WWP1: variants seen among roughly 807,000 people sequenced by gnomAD.
The protein encoded by WWP1 is WW domain containing E3 ubiquitin protein ligase 1, also known as NEDD4-like E3 ubiquitin-protein ligase WWP1.
WWP1 carries 49 observed loss-of-function variants against 130.6 expected under a neutral mutation model. The observed-to-expected ratio is 0.38, with a 90% CI of 0.30 to 0.48. The LOEUF is 0.48. WWP1 is among the 20% of genes least tolerant of loss of function. WWP1 has a pLI of 0.99. For missense variants in WWP1, 809 were observed against 1,100.6 expected, an observed-to-expected ratio of 0.74 and a Z score of 3.75; for synonymous variants, 332 against 367.8, an observed-to-expected ratio of 0.90 and a Z score of 1.11.
At chr8:86,361,960 C>T (rs2130202191) in intron 1 of WWP1, among the ~76,000 whole-genome samples, 1 of 129,838 alleles carries the variant, frequency 7.7e-6, no homozygotes, top group Middle Eastern at 4.6e-3. Flanking sequence ...TGAAAATATG[C>T]CTAGTGTGTG....
intron 9 of WWP1, among the ~76,000 whole-genome samples, chr8:86,416,972 A>G (rs1284570655): frequency 6.6e-6 from 1 of 152,042 alleles, no homozygotes; most frequent in African/African-American, 2.4e-5. Flanking sequence ...TCTGGTCACC[A>G]CCACATTCTG....
chr8:86,347,844 T>C (rs906087230), intron 1 of WWP1, among the ~76,000 whole-genome samples: 5 of 152,232 alleles, frequency 3.3e-5, no homozygotes, highest in Non-Finnish European at 7.3e-5. Flanking sequence ...ATTTCCAAAA[T>C]ATATATAGAT....
At position 86,427,762 on chromosome 8, in the gene WWP1, A is replaced by G; in HGVS notation, c.1277A>G (p.Gln426Arg). The G allele has an allele frequency of 6.2e-7, 1 of 1,613,794 alleles. No homozygotes were observed. The highest frequency in any genetic ancestry group is 1.1e-5 in the South Asian group (1 of 91,030). ...SVRNFEQWQSQRNQLQGAMQQ... is the reference protein window; with the variant it reads ...SVRNFEQWQSRRNQLQGAMQQ... ...CGAAATTTTGAACAGTGGCAATCTC[A>G]GCGGAACCAATTGCAGGGAGCTATG... Residue 426 changes from glutamine to arginine, a missense_variant, in exon 11 of 25, where the codon CAG (glutamine) becomes CGG (arginine). Around this residue, in one of 3 missense-constraint regions of WWP1, gnomAD observed 450 missense variants for 674.2 expected, o/e 0.67. Transcript: ENST00000517970.
At chr8:86,448,609 G>A (rs1159372700) in intron 20 of WWP1, 96 bp downstream of exon 20, 1 of 1,244,698 alleles carries the variant, frequency 8.0e-7, no homozygotes, top group Non-Finnish European at 1.1e-6. Context: ...TCATGCCTTT[G>A]GGAAGTTCTT....
intron 1 of WWP1, among the ~76,000 whole-genome samples, chr8:86,355,413 A>G (rs900444341): frequency 2.6e-5 from 4 of 152,240 alleles, no homozygotes; most frequent in African/African-American, 9.6e-5. Context: ...TAAATGCAGC[A>G]AGTATGTGTA....
At chr8:86,359,954 C>T (rs1823481558) in intron 1 of WWP1, among the ~76,000 whole-genome samples, 1 of 151,826 alleles carries the variant, frequency 6.6e-6, no homozygotes, top group South Asian at 2.1e-4. Context: ...GAGGCTGAGG[C>T]AGGAGAATGG....
chr8:86,431,844 G>T, intron 14 of WWP1, 101 bp downstream of exon 14: 1 of 1,513,730 alleles, frequency 6.6e-7, no homozygotes, highest in South Asian at 1.3e-5. Context: ...TTTACTTTTT[G>T]GTTCAAGAAA....
At chr8:86,431,845 G>C (rs1291180764) in intron 14 of WWP1, 102 bp downstream of exon 14, 5 of 1,508,066 alleles carry the variant, frequency 3.3e-6, no homozygotes. Flanking sequence ...TTACTTTTTG[G>C]TTCAAGAAAA....
At chr8:86,436,572 G>A (rs1179074153) in intron 16 of WWP1, among the ~76,000 whole-genome samples, 1 of 152,120 alleles carries the variant, frequency 6.6e-6, no homozygotes, top group Non-Finnish European at 1.5e-5. Context: ...GTTTACTGCT[G>A]TTCTGCCTAG....
At chr8:86,372,648 T>A (rs897845745) in intron 2 of WWP1, among the ~76,000 whole-genome samples, 1 of 152,218 alleles carries the variant, frequency 6.6e-6, no homozygotes, top group Non-Finnish European at 1.5e-5. Flanking sequence ...TTTTTCCATA[T>A]GGATAATTCC....
At chr8:86,384,612 T>C (rs1825175818) in intron 5 of WWP1, among the ~76,000 whole-genome samples, 1 of 152,176 alleles carries the variant, frequency 6.6e-6, no homozygotes, top group Admixed American at 6.5e-5. Context: ...TTTGATTCAG[T>C]CTCTTGGTTT....
At chr8:86,433,219 TC>T (rs1347438891) in intron 14 of WWP1, among the ~76,000 whole-genome samples, 2 of 148,034 alleles carry the variant, frequency 1.4e-5, no homozygotes, top group Non-Finnish European at 3.0e-5. Flanking sequence ...CTCCTTTTTT[TC>T]CTAAGCCTCT....
At chr8:86,448,335 A>T (rs761364401) in intron 19 of WWP1, 38 bp from the exon 20 acceptor site, 2 of 1,586,626 alleles carry the variant, frequency 1.3e-6, no homozygotes, top group East Asian at 4.5e-5. Flanking sequence ...ATTTTGTTTC[A>T]TTTTGTTAAT....
chr8:86,363,826 G>A (rs548115010), intron 1 of WWP1, among the ~76,000 whole-genome samples: 1 of 150,908 alleles, frequency 6.6e-6, no homozygotes, highest in Non-Finnish European at 1.5e-5. Flanking sequence ...AAATTTGTCT[G>A]TGGTCTTGCT....
chr8:86,405,034 G>A (rs1808197854), intron 8 of WWP1: 2 of 152,180 alleles, frequency 1.3e-5, no homozygotes, highest in Non-Finnish European at 2.9e-5. Flanking sequence ...GTTTACAGAG[G>A]CTTCCGGAAC....
intron 1 of WWP1, among the ~76,000 whole-genome samples, chr8:86,347,252 C>T (rs12216783): frequency 0.15 from 22,376 of 152,170 alleles, 1,798 homozygotes; most frequent in Non-Finnish European, 0.19. Flanking sequence ...TTCCAAAGTG[C>T]TGGAATTACA....
intron 5 of WWP1, among the ~76,000 whole-genome samples, chr8:86,392,713 TTTG>T (rs1434680759): frequency 2.0e-5 from 3 of 152,240 alleles, no homozygotes; most frequent in Admixed American, 6.5e-5. Context: ...TATTTAGTTA[TTTG>T]TTTAGTTTAC....
At chr8:86,405,895 T>C (rs1369538936) in intron 8 of WWP1, among the ~76,000 whole-genome samples, 1 of 152,154 alleles carries the variant, frequency 6.6e-6, no homozygotes, top group African/African-American at 2.4e-5. Flanking sequence ...ACTTTGAGGT[T>C]TCAGATTAGG....
chr8:86,377,191 T>C (rs2130337906), intron 3 of WWP1, among the ~76,000 whole-genome samples: 1 of 152,224 alleles, frequency 6.6e-6, no homozygotes, highest in South Asian at 2.1e-4. Context: ...GTTCAAGTGA[T>C]TCTCCTGCAT....
Sources: gnomAD v4.1 joint callset for allele counts (sites outside exome capture counted in the v4.1 genomes callset) on GRCh38, gnomAD v4.1.1 for gene constraint, gnomAD v4.1.1 regional missense constraint, MANE v1.5 for transcripts, NCBI Gene and HGNC (gene_info 2026-07-23, HGNC 2026-07-21) for gene names.